Variants in KHDRBS2 observed in about 807,000 individuals in gnomAD.
KHDRBS2 encodes KH RNA binding domain containing, signal transduction associated 2.
Under a neutral mutation model 44.3 loss-of-function variants are expected in KHDRBS2, and 26 were observed. The observed-to-expected ratio is 0.59, with a 90% CI of 0.43 to 0.81. KHDRBS2 has a LOEUF of 0.81. Among genes scored for constraint, KHDRBS2 ranks in the 40% least tolerant of loss-of-function variants. The pLI is 0.00. For missense variants in KHDRBS2, 476 were observed against 433.1 expected, an observed-to-expected ratio of 1.10 and a Z score of -0.88; for synonymous variants, 194 against 151.1, an observed-to-expected ratio of 1.28 and a Z score of -2.08.
At chr6:62,071,384 C>T (rs1016770544) in intron 2 of KHDRBS2, among the ~76,000 whole-genome samples, 2 of 152,158 alleles carry the variant, frequency 1.3e-5, no homozygotes, top group African/African-American at 2.4e-5. Context: ...GTTGCCATTG[C>T]TTTTGGTGTC....
chr6:61,930,543 AAAG>A (rs1436894982), intron 4 of KHDRBS2, among the ~76,000 whole-genome samples: 460 of 30,162 alleles, frequency 0.015, 159 homozygotes, highest in African/African-American at 0.032. Flanking sequence ...AAAAAAAAAA[AAAG>A]AAAAAAAAAA....
chr6:61,911,655 C>T (rs893205010), intron 4 of KHDRBS2, among the ~76,000 whole-genome samples: 1 of 151,944 alleles, frequency 6.6e-6, no homozygotes. Flanking sequence ...GAAAGAAGGA[C>T]ATTTGCTATA....
At chr6:61,656,440 A>G in the KHDRBS2 span, among the ~76,000 whole-genome samples, 1 of 152,028 alleles carries the variant, frequency 6.6e-6, no homozygotes, top group Non-Finnish European at 1.5e-5. Flanking sequence ...TAGGCAGTCT[A>G]ACAAAATACT....
At chr6:61,571,102 G>T in the KHDRBS2 span, among the ~76,000 whole-genome samples, 1 of 151,884 alleles carries the variant, frequency 6.6e-6, no homozygotes, top group Non-Finnish European at 1.5e-5. Flanking sequence ...TGGCCTAAAT[G>T]AGCCACTTAA....
the KHDRBS2 span, among the ~76,000 whole-genome samples, chr6:61,635,841 CT>C: frequency 6.6e-6 from 1 of 151,974 alleles, no homozygotes; most frequent in Non-Finnish European, 1.5e-5. Flanking sequence ...ATGATATCAT[CT>C]TTTCCTTTAC....
intron 2 of KHDRBS2, among the ~76,000 whole-genome samples, chr6:62,091,895 G>A (rs576104776): frequency 3.9e-5 from 6 of 152,172 alleles, no homozygotes; most frequent in South Asian, 4.1e-4. Context: ...TTCTCATTAC[G>A]TATTAATTAT....
intron 6 of KHDRBS2, among the ~76,000 whole-genome samples, chr6:61,820,146 C>A (rs1300976544): frequency 6.6e-6 from 1 of 151,960 alleles, no homozygotes; most frequent in Non-Finnish European, 1.5e-5. Flanking sequence ...GAGATGCTAG[C>A]AAGTAGCTTT....
chr6:62,171,594 T>C (rs1014558316), intron 2 of KHDRBS2, among the ~76,000 whole-genome samples: 2 of 152,062 alleles, frequency 1.3e-5, no homozygotes, highest in African/African-American at 2.4e-5. Flanking sequence ...CACTGTAAGA[T>C]ACTATAGAAG....
intron 6 of KHDRBS2, among the ~76,000 whole-genome samples, chr6:61,798,998 A>C (rs1785821355): frequency 6.6e-6 from 1 of 152,006 alleles, no homozygotes; most frequent in Non-Finnish European, 1.5e-5. Flanking sequence ...GATATCCATC[A>C]AAAAAGGAGC....
At chr6:62,135,445 C>T (rs1042280312) in intron 2 of KHDRBS2, among the ~76,000 whole-genome samples, 3 of 152,078 alleles carry the variant, frequency 2.0e-5, no homozygotes, top group Non-Finnish European at 4.4e-5. Context: ...GCAGCTGGTA[C>T]AGCCATTATG....
chr6:62,164,140 A>G (rs1183202321), intron 2 of KHDRBS2, among the ~76,000 whole-genome samples: 2 of 151,912 alleles, frequency 1.3e-5, no homozygotes, highest in Non-Finnish European at 2.9e-5. Flanking sequence ...GTTTTAAGAT[A>G]TGATATGCTT....
At chr6:61,831,673 C>T (rs1791841848) in intron 6 of KHDRBS2, among the ~76,000 whole-genome samples, 1 of 151,942 alleles carries the variant, frequency 6.6e-6, no homozygotes, top group African/African-American at 2.4e-5. Context: ...ATAATATGAT[C>T]AATAGATTTA....
At chr6:61,766,205 G>A (rs1482764966) in intron 6 of KHDRBS2, among the ~76,000 whole-genome samples, 2 of 151,740 alleles carry the variant, frequency 1.3e-5, no homozygotes, top group East Asian at 3.9e-4. Flanking sequence ...TTCAATCTCG[G>A]TAGGTTTTTA....
intron 7 of KHDRBS2, among the ~76,000 whole-genome samples, chr6:61,722,006 CA>C: frequency 6.6e-6 from 1 of 150,502 alleles, no homozygotes; most frequent in Non-Finnish European, 1.5e-5. Context: ...TGAATTTTGT[CA>C]AAGGCCTTTT....
At chr6:61,755,943 TC>T (rs1196258297) in intron 6 of KHDRBS2, among the ~76,000 whole-genome samples, 1 of 152,174 alleles carries the variant, frequency 6.6e-6, no homozygotes, top group African/African-American at 2.4e-5. Flanking sequence ...AACTACTTGT[TC>T]TGAGGTCTTT....
chr6:62,170,611 T>C (rs1819793279), intron 2 of KHDRBS2, among the ~76,000 whole-genome samples: 1 of 152,076 alleles, frequency 6.6e-6, no homozygotes, highest in Admixed American at 6.6e-5. Flanking sequence ...AGCCAACACA[T>C]GTGCACCCTG....
At chr6:61,799,064 T>A (rs1360818344) in intron 6 of KHDRBS2, among the ~76,000 whole-genome samples, 2 of 152,088 alleles carry the variant, frequency 1.3e-5, no homozygotes, top group African/African-American at 4.8e-5. Flanking sequence ...TAAGGCTTGC[T>A]ATTCTTTTAC....
intron 2 of KHDRBS2, among the ~76,000 whole-genome samples, chr6:62,114,567 AATTAT>A (rs1353620257): frequency 2.6e-5 from 4 of 152,138 alleles, no homozygotes; most frequent in East Asian, 1.9e-4. Flanking sequence ...TTCATCATCC[AATTAT>A]ATTATGATCT....
intron 3 of KHDRBS2, among the ~76,000 whole-genome samples, chr6:61,981,917 T>C (rs1002832056): frequency 1.3e-5 from 2 of 152,190 alleles, no homozygotes; most frequent in Non-Finnish European, 2.9e-5. Flanking sequence ...AACCTTGATC[T>C]CCCTGATACG....
Sources: gnomAD v4.1 joint callset for allele counts (sites outside exome capture counted in the v4.1 genomes callset) on GRCh38, gnomAD v4.1.1 for gene constraint, MANE v1.5 for transcripts, NCBI Gene and HGNC (gene_info 2026-07-23, HGNC 2026-07-21) for gene names.